Variants in PPL observed in about 807,000 individuals in gnomAD.
The protein encoded by PPL is 190 kDa paraneoplastic pemphigus antigen.
Under a neutral mutation model 194.4 loss-of-function variants are expected in PPL, and 198 were observed. The ratio of observed to expected loss-of-function variants is 1.02; its 90% confidence interval spans 0.91 to 1.15. The LOEUF is 1.15. Among genes scored for constraint, PPL ranks in the 50% most tolerant of loss-of-function variants. The pLI, the probability that PPL is intolerant of heterozygous loss-of-function variation, is 0.00. For missense variants in PPL, 2,885 were observed against 2,294.8 expected, an observed-to-expected ratio of 1.26 and a Z score of -5.25; for synonymous variants, 1,220 against 972.4, an observed-to-expected ratio of 1.25 and a Z score of -4.74.
At chr16:4,908,631 G>A (rs1357054497) in intron 2 of PPL, among the ~76,000 whole-genome samples, 5 of 152,198 alleles carry the variant, frequency 3.3e-5, no homozygotes, top group East Asian at 1.9e-4. Context: ...TCAACCTTCC[G>A]GGCTTAAGCG....
rs374348060 is a variant in PPL at position 4,891,939 on chromosome 16, C to T, written c.1840G>A (p.Ala614Thr). 47 of 1,612,526 alleles carry T rather than the reference C, an allele frequency of 2.9e-5. No individual in the cohort carries two copies. The highest frequency in any genetic ancestry group is 3.9e-5 in the Non-Finnish European group (46 of 1,179,640). The change falls in exon 16 of 22, where the codon GCC (alanine) becomes ACC (threonine). Residue 614 changes from alanine (A) to threonine (T), a missense_variant. By Grantham distance (58) the Ala-to-Thr change is moderately conservative. Coordinates refer to ENST00000345988, the MANE Select transcript of PPL (RefSeq NM_002705.5). ...TGCAGGCTCTTCTCCAGGCGGTTGG[C>T]CACATCAACCCTGAGAGCACCAATC... Reference protein sequence around the residue: ...LDLAQEKVDVANRLEKSLQQS... With the variant: ...LDLAQEKVDVTNRLEKSLQQS...
chr16:4,921,045 T>C (rs893744794), intron 1 of PPL, among the ~76,000 whole-genome samples: 1 of 151,902 alleles, frequency 6.6e-6, no homozygotes, highest in African/African-American at 2.4e-5. Context: ...GCTAGATGGG[T>C]TTTGCAAGCC....
Position 4,885,464 on chromosome 16 carries a change from G to T in PPL, c.3191C>A (p.Pro1064His), listed in dbSNP as rs566212349. ...EKEVVKLQND[P>H]QLEAEYQQLQ... ...CTGCTGGTACTCTGCCTCCAGCTGG[G>T]GGTCATTCTGCAGTTTCACCACCTC... Residue 1064 changes from proline to histidine, a missense_variant, in exon 22 of 22, where the codon CCC becomes CAC. Coordinates refer to ENST00000345988, the MANE Select transcript of PPL (RefSeq NM_002705.5). The surrounding 1 kb of genome is among the most constrained non-coding windows in gnomAD (Gnocchi z 6.3). 18 of 1,612,312 alleles carry T rather than the reference G, an allele frequency of 1.1e-5. No homozygotes were observed. The East Asian group carries it at 3.8e-4, about 34-fold the overall frequency.
intron 3 of PPL, 49 bp downstream of exon 3, chr16:4,903,830 GCCCTGGC>G: frequency 6.3e-7 from 1 of 1,597,380 alleles, no homozygotes. Context: ...AGGACCCCCC[GCCCTGGC>G]CCATAGCCCC....
intron 4 of PPL, among the ~76,000 whole-genome samples, chr16:4,901,611 C>T (rs1164535151): frequency 3.9e-5 from 6 of 151,924 alleles, no homozygotes; most frequent in African/African-American, 1.5e-4. Flanking sequence ...ATCACCTAAG[C>T]CTGGGAAGTT....
At chr16:4,919,961 G>A (rs2089002244) in intron 1 of PPL, among the ~76,000 whole-genome samples, 1 of 151,914 alleles carries the variant, frequency 6.6e-6, no homozygotes, top group South Asian at 2.1e-4. Context: ...GTGTATTTGT[G>A]GGGTGGGGGT....
rs79367056 is a variant in PPL, at chr16:4,891,886, G to C, written c.1893C>G (p.His631Gln). The change falls in exon 16 of 22, where the codon CAC (histidine) becomes CAG (glutamine). Residue 631 changes from histidine to glutamine, a missense_variant. Coordinates refer to ENST00000345988, the MANE Select transcript of PPL (RefSeq NM_002705.5). Reference sequence around the variant, plus strand: ...TGTCATCCTGATTCAGATGGTTCTCGTGTGTGGCCAGCAACTCCCAGCTCT... The same window carrying C: ...TGTCATCCTGATTCAGATGGTTCTCCTGTGTGGCCAGCAACTCCCAGCTCT... ...LQQSWELLAT[H>Q]ENHLNQDDTV... 1 of 1,613,540 alleles carries C rather than the reference G, an allele frequency of 6.2e-7. No homozygotes were observed. Among genetic ancestry groups the C allele is most frequent in the East Asian group, 2.2e-5 (1 of 44,886 alleles).
In PPL at chr16:4,911,307, A is replaced by G. The variant is rs142539808; in HGVS notation, c.63-358T>C. On this transcript the variant is annotated intron_variant, in intron 1 of 21. Coordinates refer to ENST00000345988, the MANE Select transcript of PPL (RefSeq NM_002705.5). ...CTCCCCAGTAGCTGAGATTACAAGC[A>G]TGCACCACCAAGCCTGGCTAATTTT... Among the ~76,000 whole-genome samples, 718 of 151,988 alleles carry G rather than the reference A, an allele frequency of 4.7e-3. 7 individuals carry two copies. The highest frequency in any genetic ancestry group is 0.017 in the African/African-American group (690 of 41,468).
intron 1 of PPL, among the ~76,000 whole-genome samples, chr16:4,936,352 C>G (rs979901093): frequency 1.3e-5 from 2 of 152,186 alleles, no homozygotes; most frequent in Non-Finnish European, 2.9e-5. Context: ...CGACCCCACA[C>G]CCCCCAGGGC....
chr16:4,936,891 C>T (rs374792955), intron 1 of PPL, 93 bp downstream of exon 1: 5 of 1,286,394 alleles, frequency 3.9e-6, no homozygotes, highest in African/African-American at 1.6e-5. Context: ...ACCCCCGTAC[C>T]CCCCATTCCT....
intron 18 of PPL, among the ~76,000 whole-genome samples, chr16:4,889,862 A>G (rs2088286798): frequency 6.6e-6 from 1 of 152,196 alleles, no homozygotes; most frequent in African/African-American, 2.4e-5. Context: ...CAGGAGTCCC[A>G]ACTTTGAAAA....
intron 2 of PPL, among the ~76,000 whole-genome samples, chr16:4,906,624 C>T (rs1397668065): frequency 1.3e-5 from 2 of 152,202 alleles, no homozygotes; most frequent in East Asian, 3.8e-4. Context: ...TAATCATTGC[C>T]TAATTCGTGA....
chr16:4,900,825 C>G lies in PPL; in HGVS notation c.606+5G>C, dbSNP rs776225577. 22 of 1,614,154 alleles carry G rather than the reference C, an allele frequency of 1.4e-5. No individual in the cohort carries two copies. Among genetic ancestry groups the G allele is most frequent in the Non-Finnish European group, 1.8e-5 (21 of 1,180,020 alleles). ...ATGAGGCCTTTCCCCCAGGGAGCTC[C>G]TCACCAGCAGTTTCTGGTACTTGGC... On this transcript the variant is annotated splice_donor_5th_base_variant and intron_variant, in intron 6 of 21. Transcript: ENST00000345988.
intron 1 of PPL, among the ~76,000 whole-genome samples, chr16:4,925,797 A>T (rs916620082): frequency 3.9e-5 from 6 of 152,212 alleles, no homozygotes; most frequent in African/African-American, 1.4e-4. Context: ...TCTCAGTACA[A>T]AGGGGACATC....
chr16:4,906,642 C>T (rs563009398), intron 2 of PPL, among the ~76,000 whole-genome samples: 3 of 152,220 alleles, frequency 2.0e-5, no homozygotes, highest in South Asian at 4.2e-4. Flanking sequence ...TGAAGGTGCC[C>T]GGTGGGAATG....
At chr16:4,901,912 T>C (rs995468382) in intron 4 of PPL, among the ~76,000 whole-genome samples, 2 of 151,306 alleles carry the variant, frequency 1.3e-5, no homozygotes, top group East Asian at 3.9e-4. Flanking sequence ...TGCACTCTAG[T>C]CTGCGCGACA....
rs1286611147 is a variant in PPL at position 4,883,551 on chromosome 16, C to T, written c.5104G>A (p.Gly1702Ser). ...ATCACTGAGGACTCCCCATTGGGAC[C>T]CTTCACTGAGATCTCCTCCCAGTCG... is the stretch of plus-strand genomic sequence containing the variant. ...ECDWEEISVK[G>S]PNGESSVIHD... Residue 1702 changes from glycine to serine, a missense_variant, in exon 22 of 22, where the codon GGT (glycine) becomes AGT (serine). Transcript: ENST00000345988. This position sits in a 1 kb window ranked among gnomAD's most constrained non-coding sequence, Gnocchi z 4.8. 1 of 1,614,164 alleles carries T rather than the reference C, an allele frequency of 6.2e-7. No homozygotes were observed. Among genetic ancestry groups the T allele is most frequent in the Admixed American group, 1.7e-5 (1 of 60,018 alleles).
intron 21 of PPL, 22 bp from the exon 22 acceptor site, chr16:4,886,069 A>G (rs2088215253): frequency 6.2e-7 from 1 of 1,613,506 alleles, no homozygotes; most frequent in South Asian, 1.1e-5. Flanking sequence ...AAGACAAGAC[A>G]AGGTTAAAGC....
chr16:4,886,920 A>G (rs1425242141), intron 21 of PPL, among the ~76,000 whole-genome samples: 1 of 152,240 alleles, frequency 6.6e-6, no homozygotes, highest in Non-Finnish European at 1.5e-5. Flanking sequence ...TGCCCAGCTG[A>G]AAATAGCATT....
Sources: allele counts gnomAD v4.1 joint callset (sites outside exome capture counted in the v4.1 genomes callset), GRCh38; gene constraint gnomAD v4.1.1; non-coding constraint Gnocchi (gnomAD v3.1); transcripts MANE v1.5; gene names NCBI Gene and HGNC (gene_info 2026-07-23, HGNC 2026-07-21).